Variants in CDH18 observed in about 807,000 individuals in gnomAD.
CDH18 encodes the protein cadherin 18.
CDH18 carries 31 observed loss-of-function variants against 67.9 expected under a neutral mutation model. The ratio of observed to expected loss-of-function variants is 0.46; its 90% CI spans 0.34 to 0.62. The LOEUF (loss-of-function observed/expected upper bound fraction) is 0.62, where lower values mean the gene tolerates loss of function less well. Among genes scored for constraint, CDH18 ranks in the 20% least tolerant of loss-of-function variants. CDH18 has a pLI of 0.01. For missense variants in CDH18, 890 were observed against 975.5 expected, an observed-to-expected ratio of 0.91 and a Z score of 1.17; for synonymous variants, 362 against 347.2, an observed-to-expected ratio of 1.04 and a Z score of -0.48.
intron 2 of CDH18, among the ~76,000 whole-genome samples, chr5:20,049,163 T>C (rs1441613094): frequency 2.0e-5 from 3 of 151,710 alleles, no homozygotes; most frequent in Admixed American, 6.6e-5. Flanking sequence ...AAATAACAGA[T>C]GTACCTAAAA....
chr5:20,023,594 GTTT>G (rs1738621571), intron 2 of CDH18, among the ~76,000 whole-genome samples: 1 of 144,506 alleles, frequency 6.9e-6, no homozygotes, highest in Admixed American at 7.2e-5. Flanking sequence ...GGGAGGCGGA[GTTT>G]GTAGTTAGCC....
Position 19,752,041 on chromosome 5 carries a change from C to T in CDH18, c.229-4805G>A, listed in dbSNP as rs1405087874. 3.9e-5 allele frequency among the ~76,000 whole-genome samples: 6 copies of T among 152,138 alleles called. No individual in the cohort carries two copies. The South Asian group carries it at 8.3e-4, about 21-fold the overall frequency. On this transcript the variant is annotated intron_variant, in intron 3 of 12. Coordinates refer to ENST00000382275, the MANE Select transcript of CDH18 (RefSeq NM_004934.5). The stretch of plus-strand genomic sequence containing the variant: ...GCTGTGAAACAGGGAAAGGGAGATC[C>T]GTTGCCCTTGAATACACACCCCCAC...
intron 6 of CDH18, among the ~76,000 whole-genome samples, chr5:19,594,369 T>C (rs1217893079): frequency 6.6e-6 from 1 of 152,124 alleles, no homozygotes; most frequent in African/African-American, 2.4e-5. Flanking sequence ...GCCAGACTGG[T>C]CTTGAACTCC....
At chr5:20,210,565 T>C (rs1236757400) in intron 2 of CDH18, among the ~76,000 whole-genome samples, 1 of 151,990 alleles carries the variant, frequency 6.6e-6, no homozygotes, top group African/African-American at 2.4e-5. Context: ...TTTTGAGTAG[T>C]AGTTCTGAAA....
At chr5:19,576,279 A>G (rs1245526688) in intron 7 of CDH18, among the ~76,000 whole-genome samples, 1 of 152,202 alleles carries the variant, frequency 6.6e-6, no homozygotes, top group East Asian at 1.9e-4. Context: ...TCTTCATAGC[A>G]AAGAAATCAA....
chr5:19,679,348 T>C (rs1049834776), intron 5 of CDH18, among the ~76,000 whole-genome samples: 1 of 151,904 alleles, frequency 6.6e-6, no homozygotes, highest in African/African-American at 2.4e-5. Context: ...GCCAACATCA[T>C]ATGGAATAGG....
chr5:19,742,814 T>A (rs1004258448), intron 4 of CDH18, among the ~76,000 whole-genome samples: 1 of 152,158 alleles, frequency 6.6e-6, no homozygotes, highest in African/African-American at 2.4e-5. Flanking sequence ...GATTCAAAAC[T>A]GAATTAATGA....
intron 2 of CDH18, among the ~76,000 whole-genome samples, chr5:20,086,229 G>T (rs1254573280): frequency 6.6e-6 from 1 of 152,160 alleles, no homozygotes; most frequent in Non-Finnish European, 1.5e-5. Context: ...CTAACTCTCT[G>T]AAATGTTATG....
chr5:20,033,357 G>A (rs1425469487), intron 2 of CDH18, among the ~76,000 whole-genome samples: 2 of 151,970 alleles, frequency 1.3e-5, no homozygotes, highest in East Asian at 3.9e-4. Flanking sequence ...TTATCAAACA[G>A]CCTAGAGCAC....
At chr5:20,325,079 T>G (rs181170311) in intron 1 of CDH18, among the ~76,000 whole-genome samples, 2 of 152,318 alleles carry the variant, frequency 1.3e-5, no homozygotes, top group Non-Finnish European at 2.9e-5. Flanking sequence ...CCGTGGTATT[T>G]AAAGAACCGA....
intron 3 of CDH18, among the ~76,000 whole-genome samples, chr5:19,822,003 A>G (rs1779924762): frequency 6.6e-6 from 1 of 152,214 alleles, no homozygotes; most frequent in Non-Finnish European, 1.5e-5. Flanking sequence ...TGCTTCCACA[A>G]AGACACACTT....
chr5:20,091,678 ATTC>A (rs1282465437), intron 2 of CDH18, among the ~76,000 whole-genome samples: 2 of 150,114 alleles, frequency 1.3e-5, no homozygotes, highest in Non-Finnish European at 3.0e-5. Flanking sequence ...TTGCATTATT[ATTC>A]TTCTTATAAA....
intron 2 of CDH18, among the ~76,000 whole-genome samples, chr5:19,919,622 A>C (rs1213330275): frequency 3.9e-5 from 6 of 152,198 alleles, no homozygotes; most frequent in Non-Finnish European, 8.8e-5. Flanking sequence ...AATAAATTAT[A>C]AGGGTAGTAG....
intron 2 of CDH18, among the ~76,000 whole-genome samples, chr5:19,970,363 G>T (rs142978942): frequency 0.012 from 1,843 of 151,570 alleles, 53 homozygotes; most frequent in African/African-American, 0.042. Flanking sequence ...TAAATGTCAT[G>T]CATTTCCATA....
chr5:20,473,114 T>G (rs989836593), intron 1 of CDH18, among the ~76,000 whole-genome samples: 2 of 152,130 alleles, frequency 1.3e-5, no homozygotes, highest in African/African-American at 4.8e-5. Flanking sequence ...CTATAAATGA[T>G]GAGTTTTAAA....
chr5:19,842,742 A>T (rs1338996774), intron 2 of CDH18, among the ~76,000 whole-genome samples: 1 of 152,168 alleles, frequency 6.6e-6, no homozygotes, highest in South Asian at 2.1e-4. Context: ...AAATAGGAAG[A>T]TGTGGGAAAA....
chr5:19,931,942 TCCTATGCCA>T (rs939283924), intron 2 of CDH18, among the ~76,000 whole-genome samples: 1 of 151,812 alleles, frequency 6.6e-6, no homozygotes, highest in African/African-American at 2.4e-5. Flanking sequence ...GTTCCCTCTA[TCCTATGCCA>T]CCTCTCTTTA....
At chr5:20,450,212 TGGCACAC>T (rs989195735) in intron 1 of CDH18, among the ~76,000 whole-genome samples, 2 of 152,066 alleles carry the variant, frequency 1.3e-5, no homozygotes, top group African/African-American at 4.8e-5. Flanking sequence ...CCAGACGTGG[TGGCACAC>T]GCCTGTAATC....
intron 2 of CDH18, among the ~76,000 whole-genome samples, chr5:19,925,558 G>A (rs545429455): frequency 3.3e-5 from 5 of 151,934 alleles, no homozygotes; most frequent in Admixed American, 2.0e-4. Flanking sequence ...GCATGATCTC[G>A]GCTCACTGCA....
Sources: gnomAD v4.1 joint callset for allele counts (sites outside exome capture counted in the v4.1 genomes callset) on GRCh38, gnomAD v4.1.1 for gene constraint, MANE v1.5 for transcripts, NCBI Gene and HGNC (gene_info 2026-07-23, HGNC 2026-07-21) for gene names.